Variants in GRID2 observed in about 807,000 individuals in gnomAD.
GRID2 encodes the protein glutamate ionotropic receptor delta type subunit 2, also known as glutamate receptor ionotropic, delta-2.
GRID2 carries 33 observed loss-of-function variants against 114.8 expected under a neutral mutation model. That is an observed-to-expected ratio of 0.29 (90% CI 0.22 to 0.38). The LOEUF (loss-of-function observed/expected upper bound fraction) is 0.38. GRID2 is among the 10% of genes least tolerant of loss of function. The pLI is 1.00. For synonymous variants in GRID2, 505 were observed against 449.9 expected, an observed-to-expected ratio of 1.12 and a Z score of -1.55; for missense variants, 1,184 against 1,257.7, an observed-to-expected ratio of 0.94 and a Z score of 0.89.
intron 11 of GRID2, among the ~76,000 whole-genome samples, chr4:93,464,810 C>T (rs763203927): frequency 1.3e-5 from 2 of 152,148 alleles, no homozygotes; most frequent in African/African-American, 2.4e-5. Flanking sequence ...TTTATATTTA[C>T]AGCTCTTTAT....
At chr4:93,161,500 T>C (rs1349272108) in intron 4 of GRID2, among the ~76,000 whole-genome samples, 1 of 151,844 alleles carries the variant, frequency 6.6e-6, no homozygotes, top group Non-Finnish European at 1.5e-5. Flanking sequence ...TTATTTTCTA[T>C]TACAGCTGTG....
intron 14 of GRID2, among the ~76,000 whole-genome samples, chr4:93,671,117 G>T (rs1724373203): frequency 6.6e-6 from 1 of 152,138 alleles, no homozygotes; most frequent in African/African-American, 2.4e-5. Context: ...TAATAGAGAA[G>T]ATCCTAAGAC....
intron 2 of GRID2, among the ~76,000 whole-genome samples, chr4:92,908,022 T>G (rs1334108436): frequency 6.6e-6 from 1 of 152,014 alleles, no homozygotes; most frequent in Non-Finnish European, 1.5e-5. Context: ...AAACTCCATC[T>G]CAAACAAAAC....
At chr4:93,592,682 G>A (rs1478779186) in intron 13 of GRID2, among the ~76,000 whole-genome samples, 1 of 152,156 alleles carries the variant, frequency 6.6e-6, no homozygotes, top group Non-Finnish European at 1.5e-5. Context: ...CTATTAATGT[G>A]TGGGAGTCTA....
chr4:92,546,921 C>T (rs879373489), intron 1 of GRID2, among the ~76,000 whole-genome samples: 1 of 152,202 alleles, frequency 6.6e-6, no homozygotes, highest in African/African-American at 2.4e-5. Context: ...TTGGTCTAGG[C>T]TCCCTACATC....
At chr4:92,623,235 G>A (rs1026452266) in intron 2 of GRID2, among the ~76,000 whole-genome samples, 1 of 151,422 alleles carries the variant, frequency 6.6e-6, no homozygotes, top group African/African-American at 2.4e-5. Context: ...AATAGAATAA[G>A]TACTTTGTAT....
At chr4:92,523,254 G>A (rs1724877375) in intron 1 of GRID2, among the ~76,000 whole-genome samples, 2 of 151,946 alleles carry the variant, frequency 1.3e-5, no homozygotes, top group African/African-American at 4.8e-5. Context: ...AATCAAGAGT[G>A]CAGATAAAAA....
chr4:92,469,567 TA>T, intron 1 of GRID2, among the ~76,000 whole-genome samples: 1 of 152,088 alleles, frequency 6.6e-6, no homozygotes, highest in East Asian at 1.9e-4. Flanking sequence ...TATTATTTCT[TA>T]AAAAATATTT....
chr4:92,845,573 G>T (rs570421966), intron 2 of GRID2, among the ~76,000 whole-genome samples: 1 of 152,028 alleles, frequency 6.6e-6, no homozygotes, highest in African/African-American at 2.4e-5. Flanking sequence ...ATACCATCCT[G>T]CTCTCTGCCC....
intron 14 of GRID2, among the ~76,000 whole-genome samples, chr4:93,710,644 G>A (rs1728404838): frequency 6.6e-6 from 1 of 152,136 alleles, no homozygotes; most frequent in African/African-American, 2.4e-5. Flanking sequence ...AGTACAGCCA[G>A]GCTTGTATCT....
intron 8 of GRID2, among the ~76,000 whole-genome samples, chr4:93,335,706 T>TTTTTTTTA (rs747465298): frequency 7.1e-6 from 1 of 141,808 alleles, no homozygotes; most frequent in African/African-American, 2.6e-5. Flanking sequence ...TTTTTTTTTT[T>TTTTTTTTA]GAGACAGGGT....
In GRID2 at chr4:93,464,677, A is replaced by G. The variant is rs182558395; in HGVS notation, c.1858+8703A>G. On this transcript the variant is annotated intron_variant, in intron 11 of 15. Transcript: ENST00000282020. ...AATGTCACTAGTGAACTACATTTTT[A>G]TGGCAATTTTTTTCTTTTTTGTGTC... 3.9e-5 allele frequency among the ~76,000 whole-genome samples: 6 copies of G among 152,278 alleles called. No individual in the cohort carries two copies. In the East Asian group the frequency reaches 1.2e-3, roughly 29 times the overall value.
chr4:92,588,391 T>A (rs1374003993), intron 1 of GRID2, among the ~76,000 whole-genome samples: 1 of 152,018 alleles, frequency 6.6e-6, no homozygotes, highest in African/African-American at 2.4e-5. Context: ...ATTTTAAAAA[T>A]TCTGGCCAGG....
chr4:92,944,949 A>T (rs1335101612), intron 2 of GRID2, among the ~76,000 whole-genome samples: 1 of 152,134 alleles, frequency 6.6e-6, no homozygotes, highest in African/African-American at 2.4e-5. Context: ...TGTCTTCCAA[A>T]TATGTCATAT....
intron 1 of GRID2, among the ~76,000 whole-genome samples, chr4:92,570,305 A>G (rs911629877): frequency 2.6e-5 from 4 of 151,862 alleles, no homozygotes; most frequent in Admixed American, 1.3e-4. Flanking sequence ...ATGCTATTTC[A>G]TTGGTCTATG....
At chr4:92,328,499 C>G (rs1726711595) in intron 1 of GRID2, among the ~76,000 whole-genome samples, 1 of 152,088 alleles carries the variant, frequency 6.6e-6, no homozygotes, top group Non-Finnish European at 1.5e-5. Flanking sequence ...GCATTAACCT[C>G]TGCTAGCTTC....
chr4:92,667,705 A>G (rs1211477979), intron 2 of GRID2, among the ~76,000 whole-genome samples: 9 of 151,560 alleles, frequency 5.9e-5, no homozygotes, highest in African/African-American at 2.2e-4. Flanking sequence ...TAGAAAATTA[A>G]AAAAAATACC....
chr4:93,135,184 C>T (rs1051089498), intron 4 of GRID2, among the ~76,000 whole-genome samples: 80 of 152,204 alleles, frequency 5.3e-4, no homozygotes, highest in African/African-American at 1.9e-3. Flanking sequence ...GTAAAATGTT[C>T]GGTGAAGTCT....
At chr4:92,693,405 G>T (rs1438810365) in intron 2 of GRID2, among the ~76,000 whole-genome samples, 1 of 152,154 alleles carries the variant, frequency 6.6e-6, no homozygotes, top group African/African-American at 2.4e-5. Context: ...TTTCATTTGT[G>T]CAGTTTTGCA....
Sources: gnomAD v4.1 joint callset for allele counts (sites outside exome capture counted in the v4.1 genomes callset) on GRCh38, gnomAD v4.1.1 for gene constraint, MANE v1.5 for transcripts, NCBI Gene and HGNC (gene_info 2026-07-23, HGNC 2026-07-21) for gene names.